MOB1B: variants seen among roughly 807,000 people sequenced by gnomAD.
MOB1B encodes the protein MOB1 Mps One Binder homolog B.
MOB1B carries 19 observed loss-of-function variants against 24.4 expected under a neutral mutation model. The observed-to-expected ratio is 0.78, with a 90% CI of 0.54 to 1.14. MOB1B has a LOEUF of 1.14. Among genes scored for constraint, MOB1B ranks in the 50% most tolerant of loss-of-function variants. The probability of loss-of-function intolerance (pLI) is 0.00; values close to 1 mark genes in which losing one functional copy is unlikely to be tolerated. For missense variants in MOB1B, 243 were observed against 259.6 expected (o/e 0.94, Z 0.44); for synonymous variants, 76 against 82.1 (o/e 0.93, Z 0.40).
In MOB1B at chr4:70,969,868, A is replaced by G. The variant is rs1277043413; in HGVS notation, c.182-63A>G. The G allele has an allele frequency of 3.9e-5, 36 of 925,066 alleles. 2 individuals carry two copies. In the South Asian group the frequency reaches 5.4e-4, roughly 14 times the overall value. The allele number at this position is 925,066 out of a possible 1,614,324, so 57.3% of individuals were successfully genotyped here. The stretch of plus-strand genomic sequence containing the variant: ...CAATAAGCCTATTCTGTTCAAGTAC[A>G]ATTAAAATTTCATTTTAAATTTAGC... On this transcript the variant is annotated intron_variant, in intron 2 of 5. Coordinates refer to ENST00000309395, the MANE Select transcript of MOB1B (RefSeq NM_173468.4).
chr4:70,932,128 G>C (rs1250112008), intron 1 of MOB1B, among the ~76,000 whole-genome samples: 1 of 152,138 alleles, frequency 6.6e-6, no homozygotes, highest in Non-Finnish European at 1.5e-5. Flanking sequence ...AGCTACCAAG[G>C]ATAAAGAGAT....
Position 70,979,229 on chromosome 4 carries a change from A to G in MOB1B, c.511A>G (p.Ile171Val), listed in dbSNP as rs934927817. Residue 171 changes from isoleucine to valine, a missense_variant, in exon 5 of 6, where the codon ATC becomes GTC. Physicochemically the swap from Ile to Val is conservative, Grantham distance 29 (BLOSUM62 3). Transcript: ENST00000309395. ...HIYHQHFDPVIQLQEEAHLNT... is the reference protein window; with the variant it reads ...HIYHQHFDPVVQLQEEAHLNT... The stretch of plus-strand genomic sequence containing the variant: ...TTATCATCAGCATTTTGACCCTGTG[A>G]TCCAGCTTCAGGAGGAAGCACATCT... 1.2e-6 allele frequency: 2 copies of G among 1,613,878 alleles called. No individual in the cohort carries two copies. Among genetic ancestry groups the G allele is most frequent in the African/African-American group, 1.3e-5 (1 of 75,018 alleles).
chr4:70,936,916 T>C (rs1407616374), intron 1 of MOB1B, among the ~76,000 whole-genome samples: 1 of 150,644 alleles, frequency 6.6e-6, no homozygotes, highest in Non-Finnish European at 1.5e-5. Flanking sequence ...ATGGGTTTCT[T>C]TTTTTTTTTA....
intron 1 of MOB1B, among the ~76,000 whole-genome samples, chr4:70,954,323 T>C (rs895985517): frequency 6.7e-6 from 1 of 148,966 alleles, no homozygotes; most frequent in Non-Finnish European, 1.5e-5. Context: ...TGTTTTGCTA[T>C]TTTTATTAGG....
chr4:70,942,977 G>A, intron 1 of MOB1B: 1 of 195,390 alleles, frequency 5.1e-6, no homozygotes, highest in African/African-American at 2.3e-5. Flanking sequence ...GTGGGTTCGG[G>A]GAGTTCATTG....
intron 1 of MOB1B, among the ~76,000 whole-genome samples, chr4:70,918,752 A>G (rs933525303): frequency 2.6e-5 from 4 of 152,180 alleles, no homozygotes; most frequent in African/African-American, 9.7e-5. Flanking sequence ...TGTTTTAGAC[A>G]TGAAGTCCTT....
At chr4:70,933,790 T>C (rs1736976609) in intron 1 of MOB1B, among the ~76,000 whole-genome samples, 1 of 151,986 alleles carries the variant, frequency 6.6e-6, no homozygotes, top group Non-Finnish European at 1.5e-5. Flanking sequence ...GACCTTATGA[T>C]CCGTCCACCT....
intron 3 of MOB1B, among the ~76,000 whole-genome samples, chr4:70,970,856 G>T (rs1738723573): frequency 6.6e-6 from 1 of 152,216 alleles, no homozygotes; most frequent in Non-Finnish European, 1.5e-5. Context: ...AAAGAAGTTG[G>T]CAGTTCTCAG....
At chr4:70,910,305 C>T (rs1200253430) in intron 1 of MOB1B, among the ~76,000 whole-genome samples, 5 of 151,894 alleles carry the variant, frequency 3.3e-5, no homozygotes, top group African/African-American at 4.8e-5. Flanking sequence ...CCTCCCAAAG[C>T]GCTGGGATTA....
intron 3 of MOB1B, among the ~76,000 whole-genome samples, chr4:70,972,512 C>A (rs1178221737): frequency 6.6e-6 from 1 of 152,008 alleles, no homozygotes; most frequent in African/African-American, 2.4e-5. Flanking sequence ...CTGCACCTGG[C>A]CCTCAGTTAC....
intron 2 of MOB1B, among the ~76,000 whole-genome samples, chr4:70,969,682 A>G (rs957297221): frequency 6.6e-6 from 1 of 152,204 alleles, no homozygotes; most frequent in Middle Eastern, 3.2e-3. Context: ...TATTCTAGAT[A>G]TAAGATTTCT....
chr4:70,904,244 A>G (rs528980825), intron 1 of MOB1B, among the ~76,000 whole-genome samples: 1 of 151,622 alleles, frequency 6.6e-6, no homozygotes, highest in Non-Finnish European at 1.5e-5. Context: ...TTGATCTCCC[A>G]AAGTGCTGGG....
chr4:70,983,505 AC>A lies in MOB1B; in HGVS notation c.*1451del, dbSNP rs1739282359. ...CCACTTCAGTTTTATTCTAGAAAATACCCTTTTTAGAAATCCAGTTTTAGTT... is the reference window on the plus strand; with the variant it reads ...CCACTTCAGTTTTATTCTAGAAAATACCTTTTTAGAAATCCAGTTTTAGTT... On this transcript the variant is annotated 3_prime_UTR_variant, in exon 6 of 6. Transcript: ENST00000309395. The A allele has an allele frequency of 6.6e-6, 1 of 152,180 alleles. No homozygotes were observed. The allele number at this position is 152,180 out of a possible 1,614,324, so 9.4% of individuals were successfully genotyped here.
chr4:70,954,916 G>C (rs982611874), intron 1 of MOB1B, among the ~76,000 whole-genome samples: 1 of 151,966 alleles, frequency 6.6e-6, no homozygotes, highest in African/African-American at 2.4e-5. Flanking sequence ...CTCCCAAGTA[G>C]CTGGGATTAC....
rs751262553 is a variant in MOB1B at position 70,982,032 on chromosome 4, A to G, written c.626A>G (p.Glu209Gly). Residue 209 changes from glutamate to glycine, a missense_variant, in exon 6 of 6, where the codon GAA (glutamate) becomes GGA (glycine). Coordinates refer to ENST00000309395, the MANE Select transcript of MOB1B (RefSeq NM_173468.4). ...CTTGCACCACTCCAAGAACTGATTGAAAAACTCACCTCAAAAGACAGATAA... is the reference window on the plus strand; with the variant it reads ...CTTGCACCACTCCAAGAACTGATTGGAAAACTCACCTCAAAAGACAGATAA... Reference protein sequence around the residue: ...RELAPLQELIEKLTSKDR With the variant: ...RELAPLQELIGKLTSKDR 1.3e-5 allele frequency: 21 copies of G among 1,612,352 alleles called. No individual in the cohort carries two copies. Among genetic ancestry groups the G allele is most frequent in the Non-Finnish European group, 1.8e-5 (21 of 1,178,682 alleles).
chr4:70,916,284 G>A (rs1345050581), intron 1 of MOB1B, among the ~76,000 whole-genome samples: 1 of 152,180 alleles, frequency 6.6e-6, no homozygotes, highest in African/African-American at 2.4e-5. Flanking sequence ...GTCATTCATA[G>A]GTTACGGTGT....
upstream of MOB1B, chr4:70,902,248 A>T: frequency 1.8e-6 from 1 of 551,328 alleles, no homozygotes; most frequent in South Asian, 2.1e-5. Context: ...AGAGCTCGTG[A>T]GGTGGGGGCG....
At position 70,985,427 on chromosome 4, in the gene MOB1B, G is replaced by A. The variant is rs1331926535; in HGVS notation, c.*3370G>A. On this transcript the variant is annotated 3_prime_UTR_variant, in exon 6 of 6. Transcript: ENST00000309395. ...ACTGTTCTAGAGCATACCATGAAAAGCAGTTTGTTATTATGCAGGAAAATC... is the reference window on the plus strand; with the variant it reads ...ACTGTTCTAGAGCATACCATGAAAAACAGTTTGTTATTATGCAGGAAAATC... 1 of 152,120 alleles carries A rather than the reference G, an allele frequency of 6.6e-6. No individual in the cohort carries two copies. The allele number at this position is 152,120 out of a possible 1,614,324, so 9.4% of individuals were successfully genotyped here.
intron 1 of MOB1B, among the ~76,000 whole-genome samples, chr4:70,911,528 C>A (rs1735988303): frequency 6.6e-6 from 1 of 151,954 alleles, no homozygotes; most frequent in African/African-American, 2.4e-5. Context: ...TTGGGAATTG[C>A]AGGACTGACT....
Sources: gnomAD v4.1 joint callset for allele counts (sites outside exome capture counted in the v4.1 genomes callset) on GRCh38, gnomAD v4.1.1 for gene constraint, MANE v1.5 for transcripts, NCBI Gene and HGNC (gene_info 2026-07-23, HGNC 2026-07-21) for gene names.